The following GUCA1C variants were observed in gnomAD, a reference collection of about 807,000 sequenced individuals.
GUCA1C encodes the protein guanylyl cyclase-activating protein 3.
Under a neutral mutation model 16.2 loss-of-function variants are expected in GUCA1C, and 15 were observed. That is an observed-to-expected ratio of 0.93 (90% CI 0.62 to 1.43). The LOEUF (loss-of-function observed/expected upper bound fraction) is 1.43. Among genes scored for constraint, GUCA1C ranks in the 40% most tolerant of loss-of-function variants. The pLI, the probability that GUCA1C is intolerant of heterozygous loss-of-function variation, is 0.00. For synonymous variants in GUCA1C, 78 were observed against 85.4 expected, an observed-to-expected ratio of 0.91 and a Z score of 0.48; for missense variants, 275 against 244.8, an observed-to-expected ratio of 1.12 and a Z score of -0.82.
intron 2 of GUCA1C, among the ~76,000 whole-genome samples, chr3:108,918,786 AT>A (rs898423091): frequency 6.6e-6 from 1 of 151,822 alleles, no homozygotes; most frequent in Non-Finnish European, 1.5e-5. Flanking sequence ...TACCTTGCTG[AT>A]TTTTTTCACC....
At chr3:108,954,716 C>A (rs1322612549), upstream of GUCA1C, among the ~76,000 whole-genome samples, 2 of 151,436 alleles carry the variant, frequency 1.3e-5, no homozygotes, top group South Asian at 2.1e-4. Flanking sequence ...AATTCTGTTA[C>A]CCCTAAATTA....
At chr3:108,927,363 A>G (rs1946631945) in intron 1 of GUCA1C, among the ~76,000 whole-genome samples, 1 of 150,894 alleles carries the variant, frequency 6.6e-6, no homozygotes, top group African/African-American at 2.4e-5. Flanking sequence ...CAGGAACCCA[A>G]TTATTCTTAG....
chr3:108,930,436 T>C (rs1946656969), intron 1 of GUCA1C, among the ~76,000 whole-genome samples: 2 of 150,980 alleles, frequency 1.3e-5, no homozygotes, highest in South Asian at 2.1e-4. Flanking sequence ...GCAAAGGCTA[T>C]TTGGCTTTTT....
At chr3:108,908,358 A>AAC in intron 3 of GUCA1C, 149 bp from the exon 4 acceptor site, 1 of 202,768 alleles carries the variant, frequency 4.9e-6, no homozygotes, top group Non-Finnish European at 1.0e-5. Context: ...CATTTAAACA[A>AAC]AAAAAAAAAA....
chr3:108,915,753 A>C (rs1274476099), intron 3 of GUCA1C, among the ~76,000 whole-genome samples: 1 of 152,134 alleles, frequency 6.6e-6, no homozygotes, highest in African/African-American at 2.4e-5. Flanking sequence ...ACTTGAGTTT[A>C]TTTATAAGCT....
intron 3 of GUCA1C, among the ~76,000 whole-genome samples, chr3:108,912,317 T>C (rs1946465590): frequency 6.6e-6 from 1 of 151,858 alleles, no homozygotes; most frequent in East Asian, 1.9e-4. Flanking sequence ...TAGAGCATGG[T>C]AGAATATGGA....
intron 2 of GUCA1C, among the ~76,000 whole-genome samples, chr3:108,919,720 T>C (rs1379698874): frequency 1.3e-5 from 2 of 152,214 alleles, no homozygotes; most frequent in East Asian, 3.8e-4. Context: ...GTAACTCAGC[T>C]CCTTCATCTA....
chr3:108,939,324 C>CTGTTTTTTTTTTTTTTTT (rs1553735917), intron 1 of GUCA1C, among the ~76,000 whole-genome samples: 3 of 32,912 alleles, frequency 9.1e-5, no homozygotes, highest in Non-Finnish European at 1.2e-4. Context: ...TGCTTCAAGG[C>CTGTTTTTTTTTTTTTTTT]TTTTTTTTTT....
intron 1 of GUCA1C, among the ~76,000 whole-genome samples, chr3:108,938,448 T>C (rs949418861): frequency 2.0e-5 from 3 of 152,214 alleles, no homozygotes; most frequent in Non-Finnish European, 4.4e-5. Flanking sequence ...ATAAGCACAT[T>C]ACACAATTGA....
intron 1 of GUCA1C, among the ~76,000 whole-genome samples, chr3:108,927,432 C>CTTT (rs55930777): frequency 0.049 from 6,323 of 128,092 alleles, 592 homozygotes; most frequent in African/African-American, 0.17. Flanking sequence ...TTTTTTAATT[C>CTTT]TTTTTTTTTT....
chr3:108,926,219 G>C (rs1258397916), intron 1 of GUCA1C, among the ~76,000 whole-genome samples: 2 of 152,064 alleles, frequency 1.3e-5, no homozygotes, highest in East Asian at 3.8e-4. Flanking sequence ...TTTAAAGTTT[G>C]TTTTGTCTGA....
At chr3:108,944,766 T>C (rs934474945) in intron 1 of GUCA1C, among the ~76,000 whole-genome samples, 1 of 152,210 alleles carries the variant, frequency 6.6e-6, no homozygotes, top group South Asian at 2.1e-4. Context: ...GTAAATATGT[T>C]TGCTATCTCC....
At chr3:108,917,619 C>T (rs921171) in intron 2 of GUCA1C, among the ~76,000 whole-genome samples, 35,456 of 151,976 alleles carry the variant, frequency 0.23, 5,207 homozygotes, top group Non-Finnish European at 0.31. Context: ...AGAGTTCTCA[C>T]TTGGCAAGTA....
intron 1 of GUCA1C, among the ~76,000 whole-genome samples, chr3:108,932,067 G>T (rs1946672419): frequency 6.6e-6 from 1 of 151,288 alleles, no homozygotes; most frequent in Admixed American, 6.6e-5. Context: ...AGCCAGGATG[G>T]TCTCAATCTC....
chr3:108,940,975 C>T (rs1004650587), intron 1 of GUCA1C, among the ~76,000 whole-genome samples: 13 of 152,150 alleles, frequency 8.5e-5, no homozygotes, highest in African/African-American at 2.9e-4. Context: ...GGAGGCCAGA[C>T]ATTCTGATTC....
intron 1 of GUCA1C, among the ~76,000 whole-genome samples, chr3:108,929,867 T>C: frequency 6.6e-6 from 1 of 152,196 alleles, no homozygotes; most frequent in East Asian, 1.9e-4. Flanking sequence ...AATTCCAGGT[T>C]AGGATTTAAG....
intron 1 of GUCA1C, among the ~76,000 whole-genome samples, chr3:108,952,886 A>G (rs954430764): frequency 6.6e-6 from 1 of 151,596 alleles, no homozygotes; most frequent in Admixed American, 6.6e-5. Context: ...TCAATTCCAT[A>G]TATTCTTTTC....
intron 1 of GUCA1C, among the ~76,000 whole-genome samples, chr3:108,924,176 C>G (rs945590516): frequency 1.3e-5 from 2 of 152,114 alleles, no homozygotes; most frequent in African/African-American, 4.8e-5. Context: ...GGTAGGACTT[C>G]CAGTACTAAG....
chr3:108,947,704 C>G (rs1435005495), intron 1 of GUCA1C, among the ~76,000 whole-genome samples: 1 of 151,916 alleles, frequency 6.6e-6, no homozygotes, highest in South Asian at 2.1e-4. Context: ...TGTAGGAGGA[C>G]AGATGAAACA....
Sources: allele counts gnomAD v4.1 joint callset (sites outside exome capture counted in the v4.1 genomes callset), GRCh38; gene constraint gnomAD v4.1.1; transcripts MANE v1.5; gene names NCBI Gene and HGNC (gene_info 2026-07-23, HGNC 2026-07-21).